MAF: variants seen among roughly 807,000 people sequenced by gnomAD.
The protein encoded by MAF is transcription factor Maf.
Under a neutral mutation model 22.0 loss-of-function variants are expected in MAF, and 10 were observed. The ratio of observed to expected loss-of-function variants is 0.45; its 90% CI spans 0.28 to 0.77. MAF has a LOEUF of 0.77. MAF is among the 30% of genes least tolerant of loss of function. The pLI, the probability that MAF is intolerant of heterozygous loss-of-function variation, is 0.12. For synonymous variants in MAF, 337 were observed against 255.8 expected (o/e 1.32, Z -3.03); for missense variants, 544 against 548.4 (o/e 0.99, Z 0.08).
chr16:79,564,064 G>C, the MAF span, among the ~76,000 whole-genome samples: 1 of 152,220 alleles, frequency 6.6e-6, no homozygotes, highest in African/African-American at 2.4e-5. Flanking sequence ...CATTTCAAGT[G>C]GAGCAGACCC....
the MAF span, among the ~76,000 whole-genome samples, chr16:79,573,937 T>C: frequency 6.6e-6 from 1 of 152,226 alleles, no homozygotes; most frequent in Non-Finnish European, 1.5e-5. Flanking sequence ...ACCAGGCTCT[T>C]ATCTCCCGTT....
At chr16:79,295,571 C>T in the MAF span, among the ~76,000 whole-genome samples, 1 of 152,230 alleles carries the variant, frequency 6.6e-6, no homozygotes, top group Non-Finnish European at 1.5e-5. Context: ...TCATGATGCA[C>T]AGAAAAGCCT....
chr16:79,309,042 G>T, the MAF span, among the ~76,000 whole-genome samples: 1 of 152,210 alleles, frequency 6.6e-6, no homozygotes, highest in African/African-American at 2.4e-5. Flanking sequence ...ATATGAAGGA[G>T]TTGAGGCTCT....
At chr16:79,390,699 C>A in the MAF span, among the ~76,000 whole-genome samples, 1 of 152,068 alleles carries the variant, frequency 6.6e-6, no homozygotes, top group Non-Finnish European at 1.5e-5. Context: ...GAACTGGGAA[C>A]CAGAAACTAA....
chr16:79,315,023 G>GT, the MAF span, among the ~76,000 whole-genome samples: 6 of 152,336 alleles, frequency 3.9e-5, no homozygotes, highest in East Asian at 9.6e-4. Flanking sequence ...GGCCCTTGCT[G>GT]TGTGCTACAT....
the MAF span, among the ~76,000 whole-genome samples, chr16:79,420,904 G>C: frequency 6.6e-6 from 1 of 152,050 alleles, no homozygotes; most frequent in East Asian, 1.9e-4. Flanking sequence ...CATGGGGGCA[G>C]GCACCTGTAA....
chr16:79,337,761 C>A, the MAF span, among the ~76,000 whole-genome samples: 9 of 152,172 alleles, frequency 5.9e-5, no homozygotes. Flanking sequence ...AGCATAGTGG[C>A]AGGATCACAG....
At chr16:79,546,207 G>A in the MAF span, among the ~76,000 whole-genome samples, 1 of 152,046 alleles carries the variant, frequency 6.6e-6, no homozygotes, top group Admixed American at 6.6e-5. Context: ...TGTGAGAACA[G>A]ATCTATGTCC....
At chr16:79,348,687 C>A in the MAF span, among the ~76,000 whole-genome samples, 3 of 152,232 alleles carry the variant, frequency 2.0e-5, no homozygotes, top group African/African-American at 7.2e-5. Context: ...CATCTGCCTG[C>A]ATGGCGACAT....
the MAF span, among the ~76,000 whole-genome samples, chr16:79,536,962 A>G: frequency 6.6e-6 from 1 of 152,188 alleles, no homozygotes; most frequent in South Asian, 2.1e-4. Flanking sequence ...CTATTTCATG[A>G]TAGTGTCAGT....
At chr16:79,510,428 T>G in the MAF span, among the ~76,000 whole-genome samples, 1 of 152,160 alleles carries the variant, frequency 6.6e-6, no homozygotes, top group African/African-American at 2.4e-5. Flanking sequence ...GTCTGGGGAC[T>G]ATCACCCCAC....
the MAF span, among the ~76,000 whole-genome samples, chr16:79,574,451 T>C: frequency 1.3e-5 from 2 of 152,208 alleles, no homozygotes; most frequent in Admixed American, 6.5e-5. Context: ...AGAATGTTTT[T>C]AAAAACACCA....
chr16:79,323,609 T>A, the MAF span, among the ~76,000 whole-genome samples: 1 of 151,880 alleles, frequency 6.6e-6, no homozygotes, highest in African/African-American at 2.4e-5. Flanking sequence ...CCGGAAAGGG[T>A]GCGTCTGGTG....
chr16:79,568,531 C>A, the MAF span, among the ~76,000 whole-genome samples: 1 of 152,182 alleles, frequency 6.6e-6, no homozygotes, highest in African/African-American at 2.4e-5. Context: ...CAGGCATACA[C>A]TGAGGCTAGA....
the MAF span, among the ~76,000 whole-genome samples, chr16:79,516,951 C>T: frequency 6.6e-6 from 1 of 152,206 alleles, no homozygotes; most frequent in African/African-American, 2.4e-5. Context: ...GGTTGAGAAC[C>T]TCTGAACCAG....
the MAF span, among the ~76,000 whole-genome samples, chr16:79,496,056 G>A: frequency 1.3e-5 from 2 of 152,124 alleles, no homozygotes; most frequent in Non-Finnish European, 1.5e-5. Context: ...AGCCTTGTGC[G>A]AGACCCTGAG....
chr16:79,211,665 G>A, the MAF span: 1 of 1,614,072 alleles, frequency 6.2e-7, no homozygotes, highest in South Asian at 1.1e-5. Context: ...GGAGGGTCTG[G>A]GAGGGATGTA....
At chr16:79,277,257 A>G in the MAF span, among the ~76,000 whole-genome samples, 6 of 152,220 alleles carry the variant, frequency 3.9e-5, no homozygotes, top group Admixed American at 3.3e-4. Flanking sequence ...CAAAGACCGC[A>G]TTTCCAAAGG....
At chr16:79,484,521 T>C in the MAF span, among the ~76,000 whole-genome samples, 2 of 152,300 alleles carry the variant, frequency 1.3e-5, no homozygotes, top group South Asian at 4.1e-4. Context: ...TTCATAGTCT[T>C]TGGTCCCTGC....
Sources: gnomAD v4.1 joint callset for allele counts (sites outside exome capture counted in the v4.1 genomes callset) on GRCh38, gnomAD v4.1.1 for gene constraint, MANE v1.5 for transcripts, NCBI Gene and HGNC (gene_info 2026-07-23, HGNC 2026-07-21) for gene names.